The following SPATA1 variants were observed in gnomAD, a reference collection of about 807,000 sequenced individuals.
The protein encoded by SPATA1 is spermatogenesis associated 1.
Under a neutral mutation model 59.6 loss-of-function variants are expected in SPATA1, and 57 were observed. The observed-to-expected ratio is 0.96, with a 90% CI of 0.77 to 1.19. The LOEUF (loss-of-function observed/expected upper bound fraction) is 1.19, where lower values mean the gene tolerates loss of function less well. SPATA1 is among the 50% of genes most tolerant of loss of function. The pLI is 0.00. For missense variants in SPATA1, 448 were observed against 480.7 expected (o/e 0.93, Z 0.64); for synonymous variants, 147 against 163.9 (o/e 0.90, Z 0.79).
At chr1:84,537,735 C>T (rs1683755196) in intron 8 of SPATA1, among the ~76,000 whole-genome samples, 1 of 152,148 alleles carries the variant, frequency 6.6e-6, no homozygotes, top group African/African-American at 2.4e-5. Flanking sequence ...TGATTCTGAT[C>T]GTTGGGGACC....
intron 8 of SPATA1, among the ~76,000 whole-genome samples, chr1:84,541,597 CA>C (rs1683905957): frequency 6.6e-6 from 1 of 152,064 alleles, no homozygotes; most frequent in Non-Finnish European, 1.5e-5. Flanking sequence ...ATTTTTATTA[CA>C]AATTTTAAAA....
rs568554994 is a variant in SPATA1, at chr1:84,517,621, C to T, written c.36+1226C>T. ...CCTTTAAGTATCTGAGGCCAAATGC[C>T]TTGGAGTTATACTTGATTCTTCTTG... On this transcript the variant is annotated intron_variant, in intron 2 of 12. Coordinates refer to ENST00000490879, the Ensembl canonical transcript of SPATA1. 2.6e-5 allele frequency among the ~76,000 whole-genome samples: 4 copies of T among 152,132 alleles called. No individual in the cohort carries two copies. In the South Asian group the frequency reaches 8.3e-4, roughly 32 times the overall value.
In SPATA1 at chr1:84,513,849, T is replaced by TTTTTC. The variant is rs1318263951; in HGVS notation, c.-137-2370_-137-2369insCTTTT. 2.0e-5 allele frequency among the ~76,000 whole-genome samples: 3 copies of TTTTTC among 148,876 alleles called. 1 individual carries two copies. The highest frequency in any genetic ancestry group is 7.6e-5 in the African/African-American group (3 of 39,692). ...TTCTCTTTTCTATATTCTATTTTTT[T>TTTTTC]TTTTTTTTTTGAGACGGAGTCTCAC... On this transcript the variant is annotated intron_variant, in intron 1 of 12. Transcript: ENST00000490879.
chr1:84,563,956 T>C, intron 4 of SPATA1: 1 of 1,093,888 alleles, frequency 9.1e-7, no homozygotes, highest in Non-Finnish European at 1.2e-6. Flanking sequence ...ACACTAATAT[T>C]GTTTAATATG....
At position 84,540,107 on chromosome 1, in the gene SPATA1, C is replaced by A. The variant is rs547708895; in HGVS notation, c.718-4095C>A. On this transcript the variant is annotated intron_variant, in intron 8 of 12. Transcript: ENST00000490879. ...CTCCTTTTTATCTGCCTTTCTGAGTCACTTTGTTTTAGATGTATCTCTTAT... is the reference window on the plus strand; with the variant it reads ...CTCCTTTTTATCTGCCTTTCTGAGTAACTTTGTTTTAGATGTATCTCTTAT... Among the ~76,000 whole-genome samples the A allele has an allele frequency of 9.2e-5, 14 of 152,180 alleles. 1 individual carries two copies. In the South Asian group the frequency reaches 2.9e-3, roughly 32 times the overall value.
At chr1:84,543,425 G>A (rs920186957) in intron 8 of SPATA1, among the ~76,000 whole-genome samples, 2 of 152,094 alleles carry the variant, frequency 1.3e-5, no homozygotes, top group African/African-American at 4.8e-5. Context: ...AGGCTGTACA[G>A]GAAGCATGGC....
At chr1:84,566,212 C>A, downstream of SPATA1, 1 of 255,358 alleles carries the variant, frequency 3.9e-6, no homozygotes, top group Non-Finnish European at 7.3e-6. Flanking sequence ...CTGAGTCAGA[C>A]ATATATTTGG....
exon 13 of SPATA1, chr1:84,554,522 G>C (rs1360236213): frequency 1.3e-5 from 2 of 155,432 alleles, no homozygotes. Flanking sequence ...GAACCTAAAG[G>C]GGAGACACTA....
intron 4 of SPATA1, among the ~76,000 whole-genome samples, chr1:84,523,072 G>A (rs912339365): frequency 6.6e-6 from 1 of 151,822 alleles, no homozygotes; most frequent in Non-Finnish European, 1.5e-5. Flanking sequence ...GCCCGGCTAA[G>A]TTTTGTATTT....
rs972536450 is a variant in SPATA1, at chr1:84,554,204, C to A, written c.*1080C>A. The A allele has an allele frequency of 1.6e-4, 25 of 152,034 alleles. 1 individual carries two copies. The highest frequency in any genetic ancestry group is 5.5e-4 in the African/African-American group (23 of 41,472). The allele number at this position is 152,034 out of a possible 1,614,324, so 9.4% of individuals were successfully genotyped here. ...TAGCCAAGAAATAAATTATATATGT[C>A]CATAAATGAAGAAATGAATAATTAG... On this transcript the variant is annotated 3_prime_UTR_variant, in exon 13 of 13. Coordinates refer to ENST00000490879, the Ensembl canonical transcript of SPATA1.
chr1:84,556,080 C>A (rs1684421719), downstream of SPATA1: 1 of 152,102 alleles, frequency 6.6e-6, no homozygotes, highest in African/African-American at 2.4e-5. Flanking sequence ...TAACATACAC[C>A]TGATTATGAG....
intron 4 of SPATA1, chr1:84,563,919 T>C: frequency 2.1e-6 from 3 of 1,399,248 alleles, no homozygotes; most frequent in East Asian, 2.7e-5. Flanking sequence ...CAGAATCTGT[T>C]TGTAAAAACA....
At chr1:84,563,079 G>A (rs1021513365) in intron 4 of SPATA1, among the ~76,000 whole-genome samples, 1 of 152,102 alleles carries the variant, frequency 6.6e-6, no homozygotes. Context: ...CCAATTGCTC[G>A]CCAGGGAACT....
At chr1:84,545,683 T>C in exon 10 of SPATA1, 2 of 1,536,328 alleles carry the variant, frequency 1.3e-6, no homozygotes, top group East Asian at 2.5e-5. Context: ...AAAGAAGGTA[T>C]CTGGAAAGAA....
chr1:84,556,197 CAT>C (rs1043832143), downstream of SPATA1, among the ~76,000 whole-genome samples: 4 of 151,958 alleles, frequency 2.6e-5, no homozygotes, highest in African/African-American at 9.7e-5. Flanking sequence ...TCAGGCAGCA[CAT>C]GAGCTATTGG....
chr1:84,567,123 T>C (rs1398701876), downstream of SPATA1, among the ~76,000 whole-genome samples: 4 of 152,204 alleles, frequency 2.6e-5, no homozygotes, highest in Non-Finnish European at 5.9e-5. Flanking sequence ...ATACTTTAGG[T>C]AACATTTTTA....
chr1:84,514,848 G>A lies in SPATA1; in HGVS notation c.-137-1375G>A, dbSNP rs541875575. On this transcript the variant is annotated intron_variant, in intron 1 of 12. Transcript: ENST00000490879. ...TAACTGGAAGTGGAGGCACACGCCT[G>A]TAATCTCAGCTACTTGGGAGGCTGA... Among the ~76,000 whole-genome samples the A allele has an allele frequency of 2.0e-5, 3 of 152,110 alleles. No individual in the cohort carries two copies. The East Asian group carries it at 5.8e-4, about 29-fold the overall frequency.
At chr1:84,536,697 G>A (rs943741549) in intron 8 of SPATA1, among the ~76,000 whole-genome samples, 7 of 152,016 alleles carry the variant, frequency 4.6e-5, no homozygotes, top group African/African-American at 1.7e-4. Flanking sequence ...GCCCGCCTCG[G>A]CCTCCCAAAG....
intron 10 of SPATA1, among the ~76,000 whole-genome samples, chr1:84,547,171 T>TA (rs774192000): frequency 1.4e-4 from 22 of 152,176 alleles, no homozygotes; most frequent in Admixed American, 2.0e-4. Context: ...GTTGTAATGT[T>TA]AAAAAAGCAA....
Sources: allele counts gnomAD v4.1 joint callset (sites outside exome capture counted in the v4.1 genomes callset), GRCh38; gene constraint gnomAD v4.1.1; transcripts MANE v1.5; gene names NCBI Gene and HGNC (gene_info 2026-07-23, HGNC 2026-07-21).